Variants in PGM1 observed in about 807,000 individuals in gnomAD.
PGM1 encodes the protein phosphoglucomutase-1.
Under a neutral mutation model 55.6 loss-of-function variants are expected in PGM1, and 52 were observed. That is an observed-to-expected ratio of 0.94 (90% CI 0.75 to 1.18). PGM1 has a LOEUF of 1.18. Among genes scored for constraint, PGM1 ranks in the 50% most tolerant of loss-of-function variants. The pLI, the probability that PGM1 is intolerant of heterozygous loss-of-function variation, is 0.00. For missense variants in PGM1, 724 were observed against 729.3 expected (o/e 0.99, Z 0.08); for synonymous variants, 287 against 271.7 (o/e 1.06, Z -0.55).
chr1:63,657,171 G>T (rs1241536700), intron 10 of PGM1, among the ~76,000 whole-genome samples: 2 of 151,998 alleles, frequency 1.3e-5, no homozygotes, highest in Admixed American at 6.6e-5. Flanking sequence ...TTCCACAAAG[G>T]CTTTTTTCTT....
intron 1 of PGM1, among the ~76,000 whole-genome samples, chr1:63,627,853 C>T (rs987891933): frequency 3.3e-5 from 5 of 152,200 alleles, no homozygotes; most frequent in African/African-American, 1.2e-4. Flanking sequence ...CTTTTATTCT[C>T]ATCACAACCA....
intron 4 of PGM1, among the ~76,000 whole-genome samples, chr1:63,633,712 G>T (rs1649259000): frequency 6.6e-6 from 1 of 150,472 alleles, no homozygotes; most frequent in Admixed American, 6.6e-5. Context: ...CTGTTGCCCA[G>T]GCTGGAGTGC....
intron 1 of PGM1, among the ~76,000 whole-genome samples, chr1:63,596,492 G>C (rs745560005): frequency 6.6e-6 from 1 of 151,886 alleles, no homozygotes; most frequent in Non-Finnish European, 1.5e-5. Context: ...TCTGATCTCA[G>C]GTGATCCACC....
At chr1:63,595,758 T>G (rs1359352889) in intron 1 of PGM1, among the ~76,000 whole-genome samples, 2 of 152,162 alleles carry the variant, frequency 1.3e-5, no homozygotes, top group African/African-American at 2.4e-5. Context: ...TTAAGGAGCT[T>G]ACAGCAGAGT....
intron 1 of PGM1, chr1:63,623,283 AG>A (rs1648931206): frequency 7.0e-6 from 10 of 1,437,042 alleles, no homozygotes; most frequent in Non-Finnish European, 9.1e-6. Context: ...CTTGTTCACA[AG>A]GGACAACAAC....
chr1:63,646,817 T>G (rs549119718), intron 7 of PGM1, among the ~76,000 whole-genome samples: 18 of 152,340 alleles, frequency 1.2e-4, no homozygotes, highest in African/African-American at 4.3e-4. Context: ...TGGTTGGGTG[T>G]ATGTGTCTAT....
chr1:63,653,646 C>T (rs1649878640), intron 9 of PGM1, among the ~76,000 whole-genome samples: 1 of 152,170 alleles, frequency 6.6e-6, no homozygotes, highest in African/African-American at 2.4e-5. Flanking sequence ...AGTTCCCACA[C>T]ATTTTTCCCC....
intron 1 of PGM1, among the ~76,000 whole-genome samples, chr1:63,614,556 A>G (rs571944597): frequency 5.2e-4 from 79 of 152,320 alleles, no homozygotes; most frequent in Middle Eastern, 3.4e-3. Flanking sequence ...ATATTACATT[A>G]CAAGGCAAGG....
chr1:63,599,524 T>C (rs1197531188), intron 1 of PGM1, among the ~76,000 whole-genome samples: 1 of 151,826 alleles, frequency 6.6e-6, no homozygotes, highest in Admixed American at 6.6e-5. Flanking sequence ...CACTTTTTAA[T>C]TATGGTGGGG....
At chr1:63,627,888 A>AAC (rs1649079335) in intron 1 of PGM1, among the ~76,000 whole-genome samples, 1 of 152,204 alleles carries the variant, frequency 6.6e-6, no homozygotes. Flanking sequence ...TGGAAGGTGA[A>AAC]ATGTCACTGT....
intron 4 of PGM1, 56 bp downstream of exon 4, chr1:63,631,838 T>C: frequency 6.5e-7 from 1 of 1,533,044 alleles, no homozygotes; most frequent in Non-Finnish European, 9.0e-7. Flanking sequence ...GTTGCCCTCT[T>C]CTGTGTGTAT....
At chr1:63,596,190 C>A (rs1333518953) in intron 1 of PGM1, among the ~76,000 whole-genome samples, 1 of 151,722 alleles carries the variant, frequency 6.6e-6, no homozygotes, top group African/African-American at 2.4e-5. Flanking sequence ...GAAGTTCCTT[C>A]ATGGGCTGCA....
chr1:63,596,338 C>T (rs1315613371), intron 1 of PGM1, among the ~76,000 whole-genome samples: 2 of 146,472 alleles, frequency 1.4e-5, no homozygotes, highest in Non-Finnish European at 3.0e-5. Flanking sequence ...CTCACTGCAA[C>T]CTCTGCCTCC....
At chr1:63,614,225 C>T (rs565197663) in intron 1 of PGM1, among the ~76,000 whole-genome samples, 3 of 152,264 alleles carry the variant, frequency 2.0e-5, no homozygotes, top group African/African-American at 7.2e-5. Flanking sequence ...CTAAGTGATT[C>T]GCCCAAGATC....
At chr1:63,632,616 G>A (rs929642518) in intron 4 of PGM1, among the ~76,000 whole-genome samples, 2 of 152,232 alleles carry the variant, frequency 1.3e-5, no homozygotes, top group Non-Finnish European at 2.9e-5. Context: ...CAACAGATGT[G>A]TATTGCATAC....
At chr1:63,636,660 G>C (rs1045067862) in intron 6 of PGM1, among the ~76,000 whole-genome samples, 2 of 152,174 alleles carry the variant, frequency 1.3e-5, no homozygotes, top group African/African-American at 4.8e-5. Context: ...CTGCTAGACT[G>C]TATACTTCTG....
intron 1 of PGM1, among the ~76,000 whole-genome samples, chr1:63,601,750 G>A (rs79038089): frequency 0.018 from 2,787 of 152,236 alleles, 86 homozygotes; most frequent in African/African-American, 0.063. Flanking sequence ...GTTGGGATAC[G>A]CGGATGGATG....
intron 1 of PGM1, among the ~76,000 whole-genome samples, chr1:63,605,200 C>T (rs965741727): frequency 1.6e-4 from 25 of 152,080 alleles, no homozygotes; most frequent in African/African-American, 6.0e-4. Flanking sequence ...TGGGGCTGTA[C>T]AGCTTATGTA....
intron 1 of PGM1, among the ~76,000 whole-genome samples, chr1:63,595,466 C>T (rs3850637): frequency 0.19 from 29,342 of 152,176 alleles, 3,081 homozygotes; most frequent in African/African-American, 0.28. Context: ...GCTCTATCTA[C>T]ATCTGCCTTC....
Sources: gnomAD v4.1 joint callset for allele counts (sites outside exome capture counted in the v4.1 genomes callset) on GRCh38, gnomAD v4.1.1 for gene constraint, MANE v1.5 for transcripts, NCBI Gene and HGNC (gene_info 2026-07-23, HGNC 2026-07-21) for gene names.